SLC25A13: variants seen among roughly 807,000 people sequenced by gnomAD.
SLC25A13 encodes the protein electrogenic aspartate/glutamate antiporter SLC25A13, mitochondrial.
Under a neutral mutation model 85.5 loss-of-function variants are expected in SLC25A13, and 70 were observed. The ratio of observed to expected loss-of-function variants is 0.82; its 90% confidence interval spans 0.68 to 1.00. The LOEUF (loss-of-function observed/expected upper bound fraction) is 1.00, where lower values mean the gene tolerates loss of function less well. Ranked by LOEUF, SLC25A13 falls within the 50% of genes least tolerant of loss-of-function variation. SLC25A13 has a pLI of 0.00. For missense variants in SLC25A13, 765 were observed against 819.8 expected (o/e 0.93, Z 0.82); for synonymous variants, 259 against 288.7 (o/e 0.90, Z 1.04).
intron 15 of SLC25A13, among the ~76,000 whole-genome samples, chr7:96,122,719 G>T (rs927956367): frequency 1.7e-4 from 26 of 152,072 alleles, no homozygotes; most frequent in African/African-American, 5.8e-4. Flanking sequence ...CAATGAAAAA[G>T]GAACAACAAC....
chr7:96,138,036 C>T (rs1792357774), intron 14 of SLC25A13, among the ~76,000 whole-genome samples: 1 of 152,198 alleles, frequency 6.6e-6, no homozygotes, highest in African/African-American at 2.4e-5. Context: ...GATCACCTTC[C>T]AGAATTTCCT....
At chr7:96,311,066 A>G (rs1799929387) in intron 1 of SLC25A13, among the ~76,000 whole-genome samples, 1 of 152,256 alleles carries the variant, frequency 6.6e-6, no homozygotes, top group African/African-American at 2.4e-5. Context: ...ATACTCATAT[A>G]TAGACATACA....
At chr7:96,230,061 T>A (rs1796480756) in intron 4 of SLC25A13, among the ~76,000 whole-genome samples, 1 of 152,244 alleles carries the variant, frequency 6.6e-6, no homozygotes, top group Non-Finnish European at 1.5e-5. Flanking sequence ...GCATATTGCT[T>A]GCAGCAGCCA....
intron 2 of SLC25A13, among the ~76,000 whole-genome samples, chr7:96,281,919 G>A (rs1350497617): frequency 1.3e-5 from 2 of 152,146 alleles, no homozygotes; most frequent in African/African-American, 4.8e-5. Flanking sequence ...GATGGACAGA[G>A]GCAGACCATA....
At chr7:96,316,772 T>C (rs1215304142) in intron 1 of SLC25A13, among the ~76,000 whole-genome samples, 1 of 152,118 alleles carries the variant, frequency 6.6e-6, no homozygotes, top group Non-Finnish European at 1.5e-5. Context: ...AAGGCAGTTC[T>C]CAAATAAAAG....
At chr7:96,168,405 C>G (rs1405500563) in intron 13 of SLC25A13, among the ~76,000 whole-genome samples, 1 of 152,072 alleles carries the variant, frequency 6.6e-6, no homozygotes, top group Non-Finnish European at 1.5e-5. Context: ...CAATTTTAAG[C>G]CTGTGTTTAG....
intron 5 of SLC25A13, among the ~76,000 whole-genome samples, chr7:96,204,262 A>G (rs1417660285): frequency 6.6e-6 from 1 of 152,244 alleles, no homozygotes; most frequent in East Asian, 1.9e-4. Context: ...TACAGATATT[A>G]GTTATTGTAA....
Position 96,250,739 on chromosome 7 carries a change from C to CA in SLC25A13, c.213-15823dup, listed in dbSNP as rs57574466. ...TTTGCTAAAAGTTTTAGACCTGTTA[C>CA]AAAAAAAAAAAAAGAGGCTCCATAA... On this transcript the variant is annotated intron_variant, in intron 3 of 17. Transcript: ENST00000265631. Among the ~76,000 whole-genome samples, 293 of 118,328 alleles carry CA rather than the reference C, an allele frequency of 2.5e-3. 2 individuals are homozygous for CA. Among genetic ancestry groups the CA allele is most frequent in the East Asian group, 0.013 (52 of 3,996 alleles). 77.6% of individuals were successfully genotyped at this position (118,328 alleles called of 152,430 possible).
At chr7:96,295,679 T>C (rs1177189694) in intron 2 of SLC25A13, among the ~76,000 whole-genome samples, 1 of 152,132 alleles carries the variant, frequency 6.6e-6, no homozygotes, top group African/African-American at 2.4e-5. Flanking sequence ...TTAGTTTTAA[T>C]AGTAACACAT....
chr7:96,252,529 A>G (rs1399488519), intron 3 of SLC25A13, among the ~76,000 whole-genome samples: 1 of 152,176 alleles, frequency 6.6e-6, no homozygotes, highest in African/African-American at 2.4e-5. Context: ...ACATAAAAGT[A>G]GAAGTTATGA....
intron 4 of SLC25A13, among the ~76,000 whole-genome samples, chr7:96,222,806 T>A (rs1227147161): frequency 6.6e-6 from 1 of 152,200 alleles, no homozygotes; most frequent in Admixed American, 6.5e-5. Flanking sequence ...GAAAAATGTA[T>A]TTTCCAATCT....
At chr7:96,146,837 C>A (rs2301648) in intron 13 of SLC25A13, 141 bp from the exon 14 acceptor site, 197 of 1,036,648 alleles carry the variant, frequency 1.9e-4, no homozygotes, top group Middle Eastern at 1.2e-3. Context: ...TCAATCAAAA[C>A]GGTTAGGGAT....
At chr7:96,294,981 T>C (rs985320842) in intron 2 of SLC25A13, among the ~76,000 whole-genome samples, 2 of 152,224 alleles carry the variant, frequency 1.3e-5, no homozygotes, top group African/African-American at 4.8e-5. Context: ...ACTGAATCAA[T>C]ACATAACACA....
chr7:96,212,732 C>T (rs1340472452), intron 4 of SLC25A13, among the ~76,000 whole-genome samples: 1 of 152,114 alleles, frequency 6.6e-6, no homozygotes, highest in African/African-American at 2.4e-5. Context: ...GCATCACCTG[C>T]CAGCAGCAAA....
intron 3 of SLC25A13, among the ~76,000 whole-genome samples, chr7:96,236,102 A>C (rs1213245339): frequency 6.6e-6 from 1 of 152,220 alleles, no homozygotes; most frequent in Non-Finnish European, 1.5e-5. Flanking sequence ...AACTGTTACA[A>C]AGTGAACTTA....
chr7:96,270,536 C>T (rs1369819366), intron 3 of SLC25A13, among the ~76,000 whole-genome samples: 1 of 147,980 alleles, frequency 6.8e-6, no homozygotes, highest in Non-Finnish European at 1.5e-5. Context: ...GCCTGGGCAA[C>T]AGAGCAAGAC....
intron 12 of SLC25A13, among the ~76,000 whole-genome samples, chr7:96,170,841 A>T (rs781204312): frequency 4.6e-5 from 7 of 152,156 alleles, no homozygotes; most frequent in Non-Finnish European, 8.8e-5. Context: ...TAGTGATGCA[A>T]ATATTTGTAT....
intron 11 of SLC25A13, among the ~76,000 whole-genome samples, chr7:96,182,513 G>A (rs1397765554): frequency 6.6e-6 from 1 of 152,206 alleles, no homozygotes. Context: ...GTGAGCCTCT[G>A]TCTGTACCTA....
intron 3 of SLC25A13, among the ~76,000 whole-genome samples, chr7:96,269,066 G>T (rs539138293): frequency 6.6e-6 from 1 of 152,182 alleles, no homozygotes; most frequent in East Asian, 1.9e-4. Flanking sequence ...ATGAATACCT[G>T]TCTGCTCCAT....
Sources: gnomAD v4.1 joint callset for allele counts (sites outside exome capture counted in the v4.1 genomes callset) on GRCh38, gnomAD v4.1.1 for gene constraint, MANE v1.5 for transcripts, NCBI Gene and HGNC (gene_info 2026-07-23, HGNC 2026-07-21) for gene names.